The following RNF11 variants were observed in gnomAD, a reference collection of about 807,000 sequenced individuals.
RNF11 encodes ring finger protein 11.
RNF11 carries 4 observed loss-of-function variants against 15.8 expected under a neutral mutation model. The observed-to-expected ratio is 0.25, with a 90% confidence interval of 0.12 to 0.58. The LOEUF (loss-of-function observed/expected upper bound fraction) is 0.58. RNF11 is among the 20% of genes least tolerant of loss of function. RNF11 has a pLI of 0.91. For missense variants in RNF11, 139 were observed against 194.4 expected (o/e 0.71, Z 1.70); for synonymous variants, 68 against 72.3 (o/e 0.94, Z 0.30).
chr1:51,251,211 T>C (rs1646876025), intron 1 of RNF11: 3 of 1,382,322 alleles, frequency 2.2e-6, no homozygotes, highest in Admixed American at 3.5e-5. Context: ...GATCTCTGAT[T>C]CCTTAATGGG....
chr1:51,236,347 T>A lies in RNF11; in HGVS notation c.-410T>A, dbSNP rs1161390183. 1 of 154,320 alleles carries A rather than the reference T, an allele frequency of 6.5e-6. No individual in the cohort carries two copies. Among genetic ancestry groups the A allele is most frequent in the Non-Finnish European group, 1.4e-5 (1 of 69,630 alleles). The allele number at this position is 154,320 out of a possible 1,614,324, so 9.6% of individuals were successfully genotyped here. A position where few individuals can be genotyped will look rare whatever the true frequency, so the allele number is the denominator to read the frequency against. ...GTAGGATGAGGCCCGCGGCCGTGGC[T>A]CCGGCGTCGGCGGGGGCAGCAGCAG... On this transcript the variant is annotated 5_prime_UTR_variant, in exon 1 of 3. Transcript: ENST00000242719.
intron 1 of RNF11, among the ~76,000 whole-genome samples, chr1:51,268,415 C>T (rs981950381): frequency 6.6e-6 from 1 of 152,142 alleles, no homozygotes; most frequent in African/African-American, 2.4e-5. Flanking sequence ...AGAAAATACA[C>T]TCATAACGTG....
intron 1 of RNF11, among the ~76,000 whole-genome samples, chr1:51,249,781 A>G (rs1272565835): frequency 3.9e-5 from 6 of 152,158 alleles, no homozygotes; most frequent in Non-Finnish European, 1.5e-5. Context: ...ATACCTGAGC[A>G]CCTATTTTGA....
intron 2 of RNF11, among the ~76,000 whole-genome samples, chr1:51,270,825 A>G (rs1646975040): frequency 6.6e-6 from 1 of 152,232 alleles, no homozygotes; most frequent in African/African-American, 2.4e-5. Context: ...TTTTCTACCT[A>G]AAATAATCCC....
intron 1 of RNF11, among the ~76,000 whole-genome samples, chr1:51,259,971 C>T (rs1646922950): frequency 6.6e-6 from 1 of 152,192 alleles, no homozygotes; most frequent in Admixed American, 6.5e-5. Context: ...CCCCTAAAAG[C>T]AGAAATGATA....
intron 1 of RNF11, among the ~76,000 whole-genome samples, chr1:51,245,318 AT>A (rs773267188): frequency 3.3e-5 from 5 of 152,212 alleles, no homozygotes; most frequent in Admixed American, 1.3e-4. Context: ...ACACCCAGCT[AT>A]TTTTTGTATT....
intron 1 of RNF11, among the ~76,000 whole-genome samples, chr1:51,246,979 TAA>T (rs58842374): frequency 5.5e-4 from 70 of 126,462 alleles, no homozygotes; most frequent in African/African-American, 1.1e-3. Context: ...CCTTATCTCT[TAA>T]AAAAAAAAAA....
intron 1 of RNF11, among the ~76,000 whole-genome samples, chr1:51,244,094 A>G (rs931807941): frequency 1.9e-4 from 29 of 152,168 alleles, no homozygotes; most frequent in Non-Finnish European, 3.5e-4. Context: ...AAGACACTTT[A>G]CCCTTTTAAT....
At chr1:51,238,946 T>C (rs1328835265) in intron 1 of RNF11, among the ~76,000 whole-genome samples, 2 of 152,138 alleles carry the variant, frequency 1.3e-5, no homozygotes, top group Admixed American at 1.3e-4. Context: ...GTCAGGCTGG[T>C]CTTGAACTCC....
chr1:51,267,415 A>G (rs936477984), intron 1 of RNF11, among the ~76,000 whole-genome samples: 5 of 152,242 alleles, frequency 3.3e-5, no homozygotes, highest in South Asian at 2.1e-4. Flanking sequence ...TCTTACTCAC[A>G]TCTATGATTT....
chr1:51,256,398 C>T (rs530361945), intron 1 of RNF11, among the ~76,000 whole-genome samples: 3 of 152,242 alleles, frequency 2.0e-5, no homozygotes, highest in East Asian at 1.9e-4. Context: ...CTTGATAGCT[C>T]ATTTATTTTT....
chr1:51,251,548 A>C, intron 1 of RNF11: 1 of 574,628 alleles, frequency 1.7e-6, no homozygotes, highest in South Asian at 2.3e-5. Context: ...TTGAAATATC[A>C]AAAAATTAAG....
chr1:51,262,715 C>CTTTTTTTTTTTTTTTT (rs35542254), intron 1 of RNF11, among the ~76,000 whole-genome samples: 5 of 84,082 alleles, frequency 5.9e-5, no homozygotes, highest in African/African-American at 4.9e-5. Context: ...GCCTGCTAAT[C>CTTTTTTTTTTTTTTTT]TTTTTTTTTT....
Position 51,270,031 on chromosome 1 carries a change from C to G in RNF11, c.199C>G (p.Gln67Glu). 6.2e-7 allele frequency: 1 copy of G among 1,613,734 alleles called. No homozygotes were observed. Among genetic ancestry groups the G allele is most frequent in the Non-Finnish European group, 8.5e-7 (1 of 1,179,806 alleles). Reference protein sequence around the residue: ...RLATQLTEEEQIRIAQRIGLI... With the variant: ...RLATQLTEEEEIRIAQRIGLI... ...AGCAACTCAGCTGACTGAAGAGGAA[C>G]AAATTAGGATAGCTCAAAGAATAGG... is the stretch of plus-strand genomic sequence containing the variant. The change falls in exon 2 of 3, where the codon CAA becomes GAA. Residue 67 changes from glutamine to glutamate, a missense_variant. Transcript: ENST00000242719.
intron 1 of RNF11, among the ~76,000 whole-genome samples, chr1:51,238,722 C>T (rs1160333692): frequency 1.3e-5 from 2 of 151,276 alleles, no homozygotes; most frequent in Non-Finnish European, 1.5e-5. Flanking sequence ...AACAAAAGTG[C>T]TTATTTAACT....
intron 1 of RNF11, among the ~76,000 whole-genome samples, chr1:51,264,481 A>G (rs981184424): frequency 2.6e-5 from 4 of 151,698 alleles, no homozygotes; most frequent in South Asian, 2.1e-4. Flanking sequence ...ATTGAGACCA[A>G]CTATTCTAAA....
intron 1 of RNF11, among the ~76,000 whole-genome samples, chr1:51,262,612 A>G (rs983608813): frequency 3.9e-5 from 6 of 151,964 alleles, no homozygotes; most frequent in African/African-American, 1.2e-4. Flanking sequence ...CAGCAGCACA[A>G]TCTTGGCTTA....
chr1:51,252,865 T>G (rs1047036484), intron 1 of RNF11, among the ~76,000 whole-genome samples: 9 of 149,246 alleles, frequency 6.0e-5, no homozygotes, highest in African/African-American at 2.0e-4. Flanking sequence ...CTTGCTCTGT[T>G]GCCCAGGCTG....
chr1:51,244,378 TG>T (rs945588877), intron 1 of RNF11, among the ~76,000 whole-genome samples: 18 of 152,000 alleles, frequency 1.2e-4, no homozygotes, highest in African/African-American at 3.1e-4. Flanking sequence ...TTTTTGAATT[TG>T]TTTTTTTTTT....
Sources: gnomAD v4.1 joint callset for allele counts (sites outside exome capture counted in the v4.1 genomes callset) on GRCh38, gnomAD v4.1.1 for gene constraint, MANE v1.5 for transcripts, NCBI Gene and HGNC (gene_info 2026-07-23, HGNC 2026-07-21) for gene names.